Variants in PFKFB2 observed in about 807,000 individuals in gnomAD.
The protein encoded by PFKFB2 is 6-phosphofructo-2-kinase/fructose-2,6-biphosphatase 2.
Under a neutral mutation model 68.0 loss-of-function variants are expected in PFKFB2, and 53 were observed. The ratio of observed to expected loss-of-function variants is 0.78; its 90% CI spans 0.63 to 0.98. The LOEUF (loss-of-function observed/expected upper bound fraction) is 0.98, where lower values mean the gene tolerates loss of function less well. Ranked by LOEUF, PFKFB2 falls within the 50% of genes least tolerant of loss-of-function variation. The pLI is 0.00. For synonymous variants in PFKFB2, 222 were observed against 227.6 expected, an observed-to-expected ratio of 0.98 and a Z score of 0.22; for missense variants, 451 against 642.0, an observed-to-expected ratio of 0.70 and a Z score of 3.22.
At position 207,076,105 on chromosome 1, in the gene PFKFB2, C is replaced by A. The variant is rs758146050; in HGVS notation, c.*3734C>A. On this transcript the variant is annotated 3_prime_UTR_variant, in exon 15 of 15. Transcript: ENST00000367080. ...GAGTTAAGGACACAATATATTTGTA[C>A]CCCTAGACTGAATGGGTGAGTATTC... 1.2e-4 allele frequency: 119 copies of A among 985,186 alleles called. 1 individual carries two copies. The highest frequency in any genetic ancestry group is 1.4e-4 in the Non-Finnish European group (113 of 829,854). The allele number at this position is 985,186 out of a possible 1,614,324, so 61.0% of individuals were successfully genotyped here.
intron 2 of PFKFB2, chr1:207,043,788 T>C (rs1281164595): frequency 1.3e-5 from 2 of 152,652 alleles, no homozygotes; most frequent in Non-Finnish European, 1.5e-5. Context: ...ATAATATGTA[T>C]ATTGAGTAAA....
intron 2 of PFKFB2, among the ~76,000 whole-genome samples, chr1:207,056,530 G>A (rs1443424101): frequency 6.6e-6 from 1 of 151,442 alleles, no homozygotes. Context: ...TTTCTCCATG[G>A]TAGGAATCTC....
upstream of PFKFB2, chr1:207,053,162 C>T (rs1401047316): frequency 6.6e-6 from 1 of 152,344 alleles, no homozygotes; most frequent in Non-Finnish European, 1.5e-5. Flanking sequence ...CCCTGCCCCG[C>T]CCCCTGGGTC....
At position 207,070,214 on chromosome 1, in the gene PFKFB2, C is replaced by T; in HGVS notation, c.1093-66C>T. On this transcript the variant is annotated intron_variant, in intron 11 of 14. Transcript: ENST00000367080. This position sits in a 1 kb window ranked among gnomAD's most constrained non-coding sequence, Gnocchi z 4.2. Reference sequence around the variant, plus strand: ...GAAGTGGCCCTTAGTCTCCAAGGTCCAGCCACTGACTTGGCTGCCAGCTTG... The same window carrying T: ...GAAGTGGCCCTTAGTCTCCAAGGTCTAGCCACTGACTTGGCTGCCAGCTTG... 1 of 1,597,024 alleles carries T rather than the reference C, an allele frequency of 6.3e-7. No homozygotes were observed.
At position 207,063,741 on chromosome 1, in the gene PFKFB2, C is replaced by T; in HGVS notation, c.451-32C>T. The T allele has an allele frequency of 6.3e-7, 1 of 1,596,362 alleles. No homozygotes were observed. Among genetic ancestry groups the T allele is most frequent in the Non-Finnish European group, 8.6e-7 (1 of 1,163,736 alleles). ...TTAATTAACAGCCTGGCATTTTTGA[C>T]TTGCTTATCACTGCCTTCTCTCCAT... On this transcript the variant is annotated intron_variant, in intron 6 of 14. Transcript: ENST00000367080. This position sits in a 1 kb window ranked among gnomAD's most constrained non-coding sequence, Gnocchi z 4.1.
chr1:207,053,793 A>T (rs4844565), intron 1 of PFKFB2, among the ~76,000 whole-genome samples: 52,666 of 151,794 alleles, frequency 0.35, 9,763 homozygotes, highest in Middle Eastern at 0.49. Flanking sequence ...AGAAATGACG[A>T]CGTGCTAGGG....
chr1:207,063,930 T>A lies in PFKFB2; in HGVS notation c.507+101T>A. 1 of 848,792 alleles carries A rather than the reference T, an allele frequency of 1.2e-6. No homozygotes were observed. Among genetic ancestry groups the A allele is most frequent in the Non-Finnish European group, 2.0e-6 (1 of 502,506 alleles). The allele number at this position is 848,792 out of a possible 1,614,324, so 52.6% of individuals were successfully genotyped here. A position where few individuals can be genotyped will look rare whatever the true frequency, so the allele number is the denominator to read the frequency against. ...GTGTGTGTGTGTTGTTGGGGAGGGGTGTTTTCGTAATGAAAGAGAGAAATA... is the reference window on the plus strand; with the variant it reads ...GTGTGTGTGTGTTGTTGGGGAGGGGAGTTTTCGTAATGAAAGAGAGAAATA... On this transcript the variant is annotated intron_variant, in intron 7 of 14. Coordinates refer to ENST00000367080, the MANE Select transcript of PFKFB2 (RefSeq NM_006212.2). The surrounding 1 kb of genome is among the most constrained non-coding windows in gnomAD (Gnocchi z 4.1).
chr1:207,051,388 A>G (rs1682749584), upstream of PFKFB2, among the ~76,000 whole-genome samples: 1 of 152,226 alleles, frequency 6.6e-6, no homozygotes, highest in African/African-American at 2.4e-5. Flanking sequence ...ATAGTTCACA[A>G]CGCAAACGAA....
intron 1 of PFKFB2, among the ~76,000 whole-genome samples, chr1:207,039,384 C>T (rs1164828064): frequency 6.6e-6 from 1 of 152,048 alleles, no homozygotes; most frequent in African/African-American, 2.4e-5. Flanking sequence ...TATGAAATGT[C>T]CTACATAACA....
chr1:207,042,999 T>TA (rs1682509296), intron 2 of PFKFB2, among the ~76,000 whole-genome samples: 1 of 151,994 alleles, frequency 6.6e-6, no homozygotes, highest in South Asian at 2.1e-4. Flanking sequence ...ACCACCATGG[T>TA]GATAGCCACG....
At position 207,067,696 on chromosome 1, in the gene PFKFB2, G is replaced by A. The variant is rs149323408; in HGVS notation, c.830G>A (p.Arg277Gln). 24 of 1,612,410 alleles carry A rather than the reference G, an allele frequency of 1.5e-5. No individual in the cohort carries two copies. Among genetic ancestry groups the A allele is most frequent in the Middle Eastern group, 1.6e-4 (1 of 6,064 alleles). ...KIGGDSGLSV[R>Q]GKQFAQALRK... ...GGGGGTGACTCTGGCCTCTCGGTGCGGGGAAAGCAGGTGAGTAATTATTCA... is the reference window on the plus strand; with the variant it reads ...GGGGGTGACTCTGGCCTCTCGGTGCAGGGAAAGCAGGTGAGTAATTATTCA... Residue 277 changes from arginine (R) to glutamine (Q), a missense_variant, in exon 9 of 15, where the codon CGG becomes CAG. Physicochemically the swap from Arg to Gln is conservative, Grantham distance 43 (BLOSUM62 1). Coordinates refer to ENST00000367080, the MANE Select transcript of PFKFB2 (RefSeq NM_006212.2).
At chr1:207,066,942 G>T (rs779254964) in intron 8 of PFKFB2, among the ~76,000 whole-genome samples, 5 of 152,128 alleles carry the variant, frequency 3.3e-5, no homozygotes, top group African/African-American at 4.8e-5. Context: ...ATGAGCTACC[G>T]CATCCAGCCA....
upstream of PFKFB2, chr1:207,048,927 C>T: frequency 1.7e-6 from 2 of 1,152,124 alleles, no homozygotes; most frequent in South Asian, 3.0e-5. Flanking sequence ...AGCATTGTAT[C>T]CTTTGTTCTT....
At chr1:207,078,428 A>C (rs536272561), downstream of PFKFB2, among the ~76,000 whole-genome samples, 1 of 152,198 alleles carries the variant, frequency 6.6e-6, no homozygotes, top group Non-Finnish European at 1.5e-5. Flanking sequence ...TGCACATTTA[A>C]CATTTGAGAA....
rs1448358039 is a variant in PFKFB2 at position 207,061,155 on chromosome 1, ATATATATCTT to A, written c.86-790_86-781del. 4.5e-4 allele frequency among the ~76,000 whole-genome samples: 43 copies of A among 95,336 alleles called. 1 individual carries two copies. Among genetic ancestry groups the A allele is most frequent in the African/African-American group, 1.8e-3 (40 of 21,910 alleles). 62.5% of individuals were successfully genotyped at this position (95,336 alleles called of 152,430 possible). ...TTTATATATATCTTTATATATATTT[ATATATATCTT>A]TATATATATATATATATATATATAT... On this transcript the variant is annotated intron_variant, in intron 2 of 14. Coordinates refer to ENST00000367080, the MANE Select transcript of PFKFB2 (RefSeq NM_006212.2).
At position 207,068,990 on chromosome 1, in the gene PFKFB2, C is replaced by T. The variant is rs548494593; in HGVS notation, c.988-434C>T. ...TTGAACTCCTGACCTTGTGATCCAC[C>T]CGCCTTGGCCACCCAAAGTGTTGGG... On this transcript the variant is annotated intron_variant, in intron 10 of 14. Transcript: ENST00000367080. 3.9e-5 allele frequency among the ~76,000 whole-genome samples: 6 copies of T among 152,304 alleles called. 1 individual carries two copies. The East Asian group carries it at 1.2e-3, about 29-fold the overall frequency.
chr1:207,072,830 T>A lies in PFKFB2; in HGVS notation c.*459T>A. 1.0e-6 allele frequency: 1 copy of A among 991,762 alleles called. No homozygotes were observed. The highest frequency in any genetic ancestry group is 1.2e-6 in the Non-Finnish European group (1 of 834,106). The allele number at this position is 991,762 out of a possible 1,614,324, so 61.4% of individuals were successfully genotyped here. A position where few individuals can be genotyped will look rare whatever the true frequency, so the allele number is the denominator to read the frequency against. The stretch of plus-strand genomic sequence containing the variant: ...TTTGTCTCTTCAATGTGTGTTTTCC[T>A]CACACTCCTTACTTGACTGCTTTCT... On this transcript the variant is annotated 3_prime_UTR_variant, in exon 15 of 15. Coordinates refer to ENST00000367080, the MANE Select transcript of PFKFB2 (RefSeq NM_006212.2).
rs1195100265 is a variant in PFKFB2 at position 207,073,540 on chromosome 1, A to G, written c.*1169A>G. 1.3e-5 allele frequency: 13 copies of G among 985,096 alleles called. No homozygotes were observed. The South Asian group carries it at 2.3e-4, about 18-fold the overall frequency. 61.0% of individuals were successfully genotyped at this position (985,096 alleles called of 1,614,324 possible). ...AACATCAAAACAAAATAGTTTTTAC[A>G]TGACCATTTTTTTCCCAAATGTGGA... On this transcript the variant is annotated 3_prime_UTR_variant, in exon 15 of 15. Coordinates refer to ENST00000367080, the MANE Select transcript of PFKFB2 (RefSeq NM_006212.2).
At chr1:207,061,417 G>GT (rs1179073670) in intron 2 of PFKFB2, among the ~76,000 whole-genome samples, 1 of 151,442 alleles carries the variant, frequency 6.6e-6, no homozygotes, top group African/African-American at 2.4e-5. Context: ...TGGGAAAGAC[G>GT]TATCTTGGTT....
Sources: gnomAD v4.1 joint callset for allele counts (sites outside exome capture counted in the v4.1 genomes callset) on GRCh38, gnomAD v4.1.1 for gene constraint, Gnocchi (gnomAD v3.1) non-coding constraint, MANE v1.5 for transcripts, NCBI Gene and HGNC (gene_info 2026-07-23, HGNC 2026-07-21) for gene names.